Variants in GRK7 observed in about 807,000 individuals in gnomAD.
GRK7 encodes the protein G protein-coupled receptor kinase 7.
GRK7 carries 24 observed loss-of-function variants against 34.1 expected under a neutral mutation model. The observed-to-expected ratio is 0.70, with a 90% CI of 0.51 to 0.99. The LOEUF is 0.99. Among genes scored for constraint, GRK7 ranks in the 50% least tolerant of loss-of-function variants. GRK7 has a pLI of 0.00. For missense variants in GRK7, 644 were observed against 707.3 expected (o/e 0.91, Z 1.02); for synonymous variants, 256 against 279.4 (o/e 0.92, Z 0.84).
At position 141,778,270 on chromosome 3, in the gene GRK7, G is replaced by A. The variant is rs762567903; in HGVS notation, c.-15G>A. The A allele has an allele frequency of 3.9e-6, 6 of 1,542,556 alleles. No individual in the cohort carries two copies. Among genetic ancestry groups the A allele is most frequent in the Admixed American group, 2.0e-5 (1 of 51,000 alleles). ...CCTCTTGTGCTTTCCCTGGGAGTGCGCCCCGTGCTCAGCCATGGTGGACAT... is the reference window on the plus strand; with the variant it reads ...CCTCTTGTGCTTTCCCTGGGAGTGCACCCCGTGCTCAGCCATGGTGGACAT... On this transcript the variant is annotated 5_prime_UTR_variant, in exon 3 of 6. Coordinates refer to ENST00000682958, the MANE Select transcript of GRK7 (RefSeq NM_139209.3). This position sits in a 1 kb window ranked among gnomAD's most constrained non-coding sequence, Gnocchi z 4.1.
the GRK7 span, among the ~76,000 whole-genome samples, chr3:141,757,202 G>C: frequency 1.4e-5 from 2 of 145,992 alleles, no homozygotes; most frequent in Non-Finnish European, 3.0e-5. Context: ...ACATTGCGCA[G>C]GTTAGTTACA....
intron 1 of GRK7, among the ~76,000 whole-genome samples, chr3:141,773,931 G>A (rs2084627612): frequency 6.6e-6 from 1 of 152,200 alleles, no homozygotes; most frequent in Admixed American, 6.5e-5. Flanking sequence ...GCTGGACTTA[G>A]TGCTCTTAAC....
the GRK7 span, among the ~76,000 whole-genome samples, chr3:141,756,011 A>T: frequency 1.5e-5 from 1 of 67,846 alleles, no homozygotes; most frequent in African/African-American, 1.6e-4. Flanking sequence ...AGCAGTTTAA[A>T]AAAAAAAAAA....
chr3:141,751,840 A>G, the GRK7 span, among the ~76,000 whole-genome samples: 1 of 152,244 alleles, frequency 6.6e-6, no homozygotes, highest in African/African-American at 2.4e-5. Flanking sequence ...GATATTACAG[A>G]ACAGAATATT....
intron 1 of GRK7, among the ~76,000 whole-genome samples, chr3:141,772,185 C>T (rs1267839286): frequency 1.3e-5 from 2 of 152,018 alleles, no homozygotes; most frequent in South Asian, 4.1e-4. Flanking sequence ...ACCTCCACCT[C>T]CCAGGTTCAA....
rs2084570648 is a variant in GRK7 at position 141,764,488 on chromosome 3, G to A, written c.-1465G>A. Among the ~76,000 whole-genome samples the A allele has an allele frequency of 6.6e-6, 1 of 152,014 alleles. No homozygotes were observed. Among genetic ancestry groups the A allele is most frequent in the African/African-American group, 2.4e-5 (1 of 41,366 alleles). On this transcript the variant is annotated 5_prime_UTR_variant, in exon 1 of 6. Coordinates refer to ENST00000682958, the MANE Select transcript of GRK7 (RefSeq NM_139209.3). Reference sequence around the variant, plus strand: ...AGCAGCATTTGCCGTAGTAATCACTGTTTTCTCCTTGACACTCTTTCTTCC... The same window carrying A: ...AGCAGCATTTGCCGTAGTAATCACTATTTTCTCCTTGACACTCTTTCTTCC...
the GRK7 span, among the ~76,000 whole-genome samples, chr3:141,750,943 A>G: frequency 6.6e-6 from 1 of 152,104 alleles, no homozygotes; most frequent in Non-Finnish European, 1.5e-5. Context: ...AGGCTGAGGC[A>G]GGAGGATTGC....
At chr3:141,791,124 G>A (rs2084722006) in intron 4 of GRK7, among the ~76,000 whole-genome samples, 1 of 152,296 alleles carries the variant, frequency 6.6e-6, no homozygotes, top group Non-Finnish European at 1.5e-5. Flanking sequence ...TAGTGACCCA[G>A]AAGCTTGTTA....
intron 5 of GRK7, among the ~76,000 whole-genome samples, chr3:141,810,004 G>A (rs1251847230): frequency 1.3e-5 from 2 of 152,112 alleles, no homozygotes; most frequent in Non-Finnish European, 2.9e-5. Context: ...ATATTTCTGG[G>A]CAGATTTTTA....
chr3:141,780,157 C>T (rs1489573596), intron 3 of GRK7, among the ~76,000 whole-genome samples: 1 of 152,208 alleles, frequency 6.6e-6, no homozygotes, highest in East Asian at 1.9e-4. Flanking sequence ...CTTGCCAACA[C>T]TTGATATTTT....
intron 1 of GRK7, among the ~76,000 whole-genome samples, chr3:141,768,447 T>C (rs1196494205): frequency 1.3e-5 from 2 of 151,906 alleles, no homozygotes; most frequent in Non-Finnish European, 1.5e-5. Flanking sequence ...CTGGCTAATT[T>C]TTTTGTATTT....
intron 4 of GRK7, among the ~76,000 whole-genome samples, chr3:141,786,594 A>C (rs2084697396): frequency 6.6e-6 from 1 of 152,056 alleles, no homozygotes; most frequent in Non-Finnish European, 1.5e-5. Flanking sequence ...TGGCTAACAC[A>C]GTGAAACCTG....
rs1270248182 is a variant in GRK7, at chr3:141,778,630, G to GC, written c.350dup (p.Ala118CysfsTer23). 6.2e-7 allele frequency: 1 copy of GC among 1,612,410 alleles called. No homozygotes were observed. The highest frequency in any genetic ancestry group is 1.1e-5 in the South Asian group (1 of 90,942). ...GGGGCTGGTGGCCACTTGTGCGAGT[G>GC]CCCCTGCCCCGGGGAACCCGCAACC... On this transcript the variant is annotated frameshift_variant, in exon 3 of 6. Coordinates refer to ENST00000682958, the MANE Select transcript of GRK7 (RefSeq NM_139209.3). LOFTEE classifies it high-confidence loss of function. This position sits in a 1 kb window ranked among gnomAD's most constrained non-coding sequence, Gnocchi z 4.1.
At chr3:141,775,354 C>G (rs886834121) in intron 2 of GRK7, among the ~76,000 whole-genome samples, 19 of 151,818 alleles carry the variant, frequency 1.3e-4, no homozygotes, top group Non-Finnish European at 2.5e-4. Context: ...GCCACTGCAC[C>G]CTAGCCTGGG....
chr3:141,764,694 C>T lies in GRK7; in HGVS notation c.-1259C>T, dbSNP rs560980700. Reference sequence around the variant, plus strand: ...CCCAGTGAGTATCTCCAGCCCAGCCCTCTCCTGTGGGTTCCAGACCCATAG... The same window carrying T: ...CCCAGTGAGTATCTCCAGCCCAGCCTTCTCCTGTGGGTTCCAGACCCATAG... On this transcript the variant is annotated 5_prime_UTR_variant, in exon 1 of 6. Transcript: ENST00000682958. Among the ~76,000 whole-genome samples, 5 of 152,242 alleles carry T rather than the reference C, an allele frequency of 3.3e-5. No homozygotes were observed. The East Asian group carries it at 9.7e-4, about 29-fold the overall frequency.
At chr3:141,766,701 C>T (rs73872314) in intron 1 of GRK7, among the ~76,000 whole-genome samples, 10,612 of 152,200 alleles carry the variant, frequency 0.07, 1,258 homozygotes, top group African/African-American at 0.24. Context: ...CCCACATATT[C>T]GCCACATATC....
intron 4 of GRK7, among the ~76,000 whole-genome samples, chr3:141,795,927 G>A (rs1173634181): frequency 6.6e-6 from 1 of 152,098 alleles, no homozygotes; most frequent in Non-Finnish European, 1.5e-5. Flanking sequence ...TGGGCCAGGG[G>A]GTCTGCAGGA....
chr3:141,778,282 G>C lies in GRK7; in HGVS notation c.-3G>C, dbSNP rs767249385. The C allele has an allele frequency of 3.1e-5, 48 of 1,559,458 alleles. No homozygotes were observed. The South Asian group carries it at 5.7e-4, about 19-fold the overall frequency. ...TCCCTGGGAGTGCGCCCCGTGCTCA[G>C]CCATGGTGGACATGGGGGCCCTGGA... On this transcript the variant is annotated 5_prime_UTR_variant, in exon 3 of 6. Coordinates refer to ENST00000682958, the MANE Select transcript of GRK7 (RefSeq NM_139209.3). The surrounding 1 kb of genome is among the most constrained non-coding windows in gnomAD (Gnocchi z 4.1).
At chr3:141,753,757 AT>A in the GRK7 span, among the ~76,000 whole-genome samples, 1 of 152,220 alleles carries the variant, frequency 6.6e-6, no homozygotes, top group African/African-American at 2.4e-5. Flanking sequence ...TAAAAAGGGA[AT>A]TTATGTTTGT....
Sources: gnomAD v4.1 joint callset for allele counts (sites outside exome capture counted in the v4.1 genomes callset) on GRCh38, gnomAD v4.1.1 for gene constraint, Gnocchi (gnomAD v3.1) non-coding constraint, MANE v1.5 for transcripts, NCBI Gene and HGNC (gene_info 2026-07-23, HGNC 2026-07-21) for gene names.